GPHN: variants seen among roughly 807,000 people sequenced by gnomAD.
GPHN encodes the protein gephyrin.
GPHN carries 17 observed loss-of-function variants against 95.5 expected under a neutral mutation model. The observed-to-expected ratio is 0.18, with a 90% confidence interval of 0.12 to 0.27. GPHN has a LOEUF of 0.27. GPHN is among the 10% of genes least tolerant of loss of function. GPHN has a pLI of 1.00. For missense variants in GPHN, 660 were observed against 978.1 expected (o/e 0.67, Z 4.34); for synonymous variants, 320 against 322.5 (o/e 0.99, Z 0.08).
the GPHN span, among the ~76,000 whole-genome samples, chr14:67,340,683 C>T: frequency 1.3e-5 from 2 of 152,202 alleles, no homozygotes; most frequent in South Asian, 4.1e-4. Flanking sequence ...TCCTCTCCCC[C>T]TCCCCCTCTC....
At chr14:67,127,341 G>GGTATTT (rs2079390440) in intron 17 of GPHN, among the ~76,000 whole-genome samples, 2 of 150,786 alleles carry the variant, frequency 1.3e-5, no homozygotes, top group South Asian at 4.2e-4. Flanking sequence ...GGTTTGTTTG[G>GGTATTT]GTTTTTGTTT....
chr14:66,682,265 T>C (rs963302687), intron 2 of GPHN, among the ~76,000 whole-genome samples: 4 of 152,210 alleles, frequency 2.6e-5, no homozygotes, highest in Non-Finnish European at 4.4e-5. Flanking sequence ...CTCCTTGATT[T>C]TTATCCCTAC....
At chr14:66,987,390 C>T (rs538781858) in intron 9 of GPHN, among the ~76,000 whole-genome samples, 8 of 152,122 alleles carry the variant, frequency 5.3e-5, no homozygotes, top group East Asian at 3.9e-4. Context: ...AGTGCGCGTG[C>T]GTGCAGTTAT....
At chr14:67,583,632 C>A in the GPHN span, 2 of 757,536 alleles carry the variant, frequency 2.6e-6, no homozygotes, top group Non-Finnish European at 4.1e-6. Context: ...ACCACTCGCA[C>A]CCCACCAATA....
At chr14:67,445,020 C>T in the GPHN span, among the ~76,000 whole-genome samples, 2 of 152,292 alleles carry the variant, frequency 1.3e-5, no homozygotes, top group South Asian at 2.1e-4. Flanking sequence ...CTCGGCCTCC[C>T]AAAGTGCTGG....
chr14:67,008,520 A>G (rs904168827), intron 9 of GPHN, among the ~76,000 whole-genome samples: 2 of 151,734 alleles, frequency 1.3e-5, no homozygotes, highest in African/African-American at 4.8e-5. Flanking sequence ...CTTTTCTCTT[A>G]CACACATCTT....
chr14:66,922,555 AT>A, intron 6 of GPHN, 110 bp from the exon 7 acceptor site: 1 of 771,410 alleles, frequency 1.3e-6, no homozygotes, highest in Non-Finnish European at 2.1e-6. Context: ...TGATTCTGAG[AT>A]TGATGGAGGA....
the GPHN span, chr14:67,353,110 CA>C: frequency 8.3e-7 from 1 of 1,205,150 alleles, no homozygotes; most frequent in Non-Finnish European, 1.2e-6. Context: ...CCCTCCCCAC[CA>C]GTGTTAAAAT....
At chr14:67,162,822 T>A (rs2082047345) in intron 19 of GPHN, among the ~76,000 whole-genome samples, 1 of 152,216 alleles carries the variant, frequency 6.6e-6, no homozygotes, top group African/African-American at 2.4e-5. Context: ...TATCCACATA[T>A]CAGCTAAAGT....
chr14:67,191,421 G>A, the GPHN span, among the ~76,000 whole-genome samples: 1 of 152,166 alleles, frequency 6.6e-6, no homozygotes, highest in Non-Finnish European at 1.5e-5. Flanking sequence ...GGACATTTTA[G>A]GGGCATGTAC....
chr14:66,715,882 CTTG>C (rs1256879981), intron 2 of GPHN, among the ~76,000 whole-genome samples: 1 of 151,714 alleles, frequency 6.6e-6, no homozygotes, highest in Admixed American at 6.6e-5. Context: ...TGTATTGAGG[CTTG>C]TTGTTTTGTG....
intron 4 of GPHN, among the ~76,000 whole-genome samples, chr14:66,869,591 C>G (rs2063352888): frequency 1.3e-5 from 2 of 152,150 alleles, no homozygotes; most frequent in African/African-American, 4.8e-5. Context: ...TTCTTGCTCT[C>G]CATTCTCTTT....
intron 1 of GPHN, among the ~76,000 whole-genome samples, chr14:66,582,829 G>C (rs1425972931): frequency 2.0e-5 from 3 of 152,094 alleles, no homozygotes; most frequent in Admixed American, 1.3e-4. Flanking sequence ...ATTGTGAATA[G>C]TGCCGCAATA....
intron 1 of GPHN, among the ~76,000 whole-genome samples, chr14:66,577,342 G>A (rs1263423121): frequency 6.6e-6 from 1 of 152,122 alleles, no homozygotes; most frequent in Admixed American, 6.5e-5. Flanking sequence ...CTTGGGATAA[G>A]GTCATGATAG....
intron 2 of GPHN, among the ~76,000 whole-genome samples, chr14:66,699,142 T>C (rs1356199807): frequency 6.6e-6 from 1 of 152,190 alleles, no homozygotes; most frequent in Admixed American, 6.5e-5. Context: ...CTAAATTACT[T>C]GACCTTTCAG....
chr14:66,957,259 A>AATC (rs1275070161), intron 8 of GPHN, among the ~76,000 whole-genome samples: 10 of 132,432 alleles, frequency 7.6e-5, no homozygotes, highest in African/African-American at 2.8e-4. Context: ...GCAGTGGCAC[A>AATC]ATCTCGGCTC....
At chr14:66,961,439 C>A (rs963422115) in intron 8 of GPHN, among the ~76,000 whole-genome samples, 2 of 151,634 alleles carry the variant, frequency 1.3e-5, no homozygotes, top group Non-Finnish European at 2.9e-5. Context: ...TAAAAGATTT[C>A]GTTCATCAAT....
At chr14:67,633,647 C>A in the GPHN span, among the ~76,000 whole-genome samples, 1 of 152,168 alleles carries the variant, frequency 6.6e-6, no homozygotes, top group Non-Finnish European at 1.5e-5. Flanking sequence ...AGCACTAGAT[C>A]CAAAATGCAG....
At chr14:66,650,039 A>G (rs1052034291) in intron 1 of GPHN, among the ~76,000 whole-genome samples, 6 of 152,086 alleles carry the variant, frequency 3.9e-5, no homozygotes, top group Admixed American at 3.3e-4. Context: ...AGCTTCTTTG[A>G]AAAGGGAGAC....
Sources: gnomAD v4.1 joint callset for allele counts (sites outside exome capture counted in the v4.1 genomes callset) on GRCh38, gnomAD v4.1.1 for gene constraint, MANE v1.5 for transcripts, NCBI Gene and HGNC (gene_info 2026-07-23, HGNC 2026-07-21) for gene names.